Variants in GABRA5 observed in about 807,000 individuals in gnomAD.
GABRA5 encodes gamma-aminobutyric acid receptor subunit alpha-5.
In GABRA5, 18 loss-of-function variants were observed where a neutral mutation model predicts 47.3. The ratio of observed to expected loss-of-function variants is 0.38; its 90% CI spans 0.26 to 0.56. The LOEUF is 0.56. Ranked by LOEUF, GABRA5 falls within the 20% of genes least tolerant of loss-of-function variation. GABRA5 has a pLI of 0.71. For missense variants in GABRA5, 365 were observed against 599.3 expected, an observed-to-expected ratio of 0.61 and a Z score of 4.08; for synonymous variants, 237 against 229.3, an observed-to-expected ratio of 1.03 and a Z score of -0.30.
Position 26,884,004 on chromosome 15 carries a change from C to CA in GABRA5, c.497+456dup, listed in dbSNP as rs1003071310. 4.2e-3 allele frequency among the ~76,000 whole-genome samples: 573 copies of CA among 136,684 alleles called. 6 individuals are homozygous for CA. The highest frequency in any genetic ancestry group is 0.013 in the African/African-American group (513 of 38,246). The allele number at this position is 136,684 out of a possible 152,430, so 89.7% of individuals were successfully genotyped here. On this transcript the variant is annotated intron_variant, in intron 6 of 10. Coordinates refer to ENST00000335625, the MANE Select transcript of GABRA5 (RefSeq NM_000810.4). ...CAACATAGCGAGACCTTGTTTCTAC[C>CA]AAAAAAAAAGAAACAAAAAAAAACA...
intron 7 of GABRA5, among the ~76,000 whole-genome samples, chr15:26,921,356 T>A (rs1296518556): frequency 1.3e-5 from 2 of 152,158 alleles, no homozygotes; most frequent in Non-Finnish European, 2.9e-5. Context: ...ATTGCGCTTT[T>A]TGAGAAATTG....
chr15:26,943,515 C>A, intron 10 of GABRA5, 89 bp downstream of exon 10: 1 of 1,188,834 alleles, frequency 8.4e-7, no homozygotes, highest in Non-Finnish European at 1.2e-6. Context: ...AGGTGCTGCT[C>A]CTTCCTACCC....
At chr15:26,939,013 A>G (rs1025593756) in intron 8 of GABRA5, among the ~76,000 whole-genome samples, 13 of 152,116 alleles carry the variant, frequency 8.5e-5, no homozygotes, top group African/African-American at 2.9e-4. Context: ...GCCTGCGCTG[A>G]TGGAGCCCCC....
intron 7 of GABRA5, among the ~76,000 whole-genome samples, chr15:26,920,303 C>A (rs1458967296): frequency 6.6e-6 from 1 of 151,516 alleles, no homozygotes; most frequent in African/African-American, 2.4e-5. Flanking sequence ...CTTCTTCATT[C>A]TTCTTCTTGC....
In GABRA5 at chr15:26,917,636, G is replaced by A. The variant is rs148323204; in HGVS notation, c.580+2751G>A. 5.6e-3 allele frequency among the ~76,000 whole-genome samples: 858 copies of A among 152,070 alleles called. 5 individuals carry two copies. The highest frequency in any genetic ancestry group is 9.1e-3 in the Non-Finnish European group (617 of 67,938). ...TTTTTGAAGAGTTTGAGAAGGATTG[G>A]CATTAATTCTTCCTTAAATGTTTGG... On this transcript the variant is annotated intron_variant, in intron 7 of 10. Transcript: ENST00000335625.
rs531390781 is a variant in GABRA5, at chr15:26,942,751, A to G, written c.878-464A>G. ...AGGGACAATCAAGACACAGAACATCAGCAATCATCTATCTAAGTGCAGTGA... is the reference window on the plus strand; with the variant it reads ...AGGGACAATCAAGACACAGAACATCGGCAATCATCTATCTAAGTGCAGTGA... On this transcript the variant is annotated intron_variant, in intron 9 of 10. Transcript: ENST00000335625. Among the ~76,000 whole-genome samples, 20 of 152,312 alleles carry G rather than the reference A, an allele frequency of 1.3e-4. No individual in the cohort carries two copies. In the South Asian group the frequency reaches 3.9e-3, roughly 30 times the overall value.
At chr15:26,900,812 A>T (rs1893309538) in intron 6 of GABRA5, among the ~76,000 whole-genome samples, 1 of 152,140 alleles carries the variant, frequency 6.6e-6, no homozygotes, top group Non-Finnish European at 1.5e-5. Flanking sequence ...ACGATATCAC[A>T]GGAGTATTTT....
At chr15:26,940,300 T>C (rs559028221) in intron 9 of GABRA5, among the ~76,000 whole-genome samples, 2 of 152,326 alleles carry the variant, frequency 1.3e-5, no homozygotes, top group South Asian at 4.1e-4. Context: ...TATTTGATAG[T>C]TATTTACTTG....
Position 26,903,066 on chromosome 15 carries a change from G to C in GABRA5, c.498-11737G>C, listed in dbSNP as rs141387692. Among the ~76,000 whole-genome samples the C allele has an allele frequency of 6.4e-4, 97 of 152,098 alleles. No homozygotes were observed. The East Asian group carries it at 0.016, about 25-fold the overall frequency. Reference sequence around the variant, plus strand: ...GATTATTTTGTCACCCTGGTATTAAGCCTAGTAGCCAATAGTTATTTTTCC... The same window carrying C: ...GATTATTTTGTCACCCTGGTATTAACCCTAGTAGCCAATAGTTATTTTTCC... On this transcript the variant is annotated intron_variant, in intron 6 of 10. Coordinates refer to ENST00000335625, the MANE Select transcript of GABRA5 (RefSeq NM_000810.4).
At chr15:26,938,688 C>T (rs909902653) in intron 8 of GABRA5, among the ~76,000 whole-genome samples, 3 of 152,220 alleles carry the variant, frequency 2.0e-5, no homozygotes, top group South Asian at 2.1e-4. Context: ...GCCCATTTCT[C>T]GGCTCTGCTC....
chr15:26,932,764 C>T (rs185791989), intron 7 of GABRA5, among the ~76,000 whole-genome samples: 253 of 152,208 alleles, frequency 1.7e-3, no homozygotes, highest in African/African-American at 5.7e-3. Context: ...ACATATATAC[C>T]GTGGAATACT....
chr15:26,944,959 C>T (rs554929647), intron 10 of GABRA5, among the ~76,000 whole-genome samples: 15 of 152,202 alleles, frequency 9.9e-5, no homozygotes, highest in African/African-American at 3.1e-4. Context: ...TGGGTGTCGC[C>T]GACACTGTCA....
At position 26,869,212 on chromosome 15, in the gene GABRA5, C is replaced by G; in HGVS notation, c.-37C>G. On this transcript the variant is annotated 5_prime_UTR_variant, in exon 3 of 11. Coordinates refer to ENST00000335625, the MANE Select transcript of GABRA5 (RefSeq NM_000810.4). ...GCTGGAGAAGGGAAGAGTTATTCCT[C>G]CATATTCACCTGCTTCAACTACTAT... is the stretch of plus-strand genomic sequence containing the variant. 8.1e-7 allele frequency: 1 copy of G among 1,230,234 alleles called. No homozygotes were observed. The highest frequency in any genetic ancestry group is 1.2e-6 in the Non-Finnish European group (1 of 829,666). The allele number at this position is 1,230,234 out of a possible 1,614,324, so 76.2% of individuals were successfully genotyped here. A position where few individuals can be genotyped will look rare whatever the true frequency, so the allele number is the denominator to read the frequency against.
intron 7 of GABRA5, among the ~76,000 whole-genome samples, chr15:26,920,375 G>C (rs1451700943): frequency 6.6e-6 from 1 of 151,246 alleles, no homozygotes; most frequent in Non-Finnish European, 1.5e-5. Flanking sequence ...CCTTCTACTT[G>C]ATCTAGTCTG....
intron 6 of GABRA5, among the ~76,000 whole-genome samples, chr15:26,887,928 T>A (rs1595400840): frequency 6.6e-6 from 1 of 152,184 alleles, no homozygotes; most frequent in Non-Finnish European, 1.5e-5. Flanking sequence ...CAAAACCCTC[T>A]CTTCTACCTT....
chr15:26,944,458 C>T (rs1894463261), intron 10 of GABRA5, among the ~76,000 whole-genome samples: 1 of 152,200 alleles, frequency 6.6e-6, no homozygotes, highest in Admixed American at 6.5e-5. Flanking sequence ...GGAGGAAGGC[C>T]TGGCAGGACC....
chr15:26,923,822 C>G (rs1351289859), intron 7 of GABRA5, among the ~76,000 whole-genome samples: 1 of 152,116 alleles, frequency 6.6e-6, no homozygotes, highest in Admixed American at 6.5e-5. Context: ...CTTCAATTCA[C>G]TGATTCTTTC....
At chr15:26,930,003 C>CTTTTTTTTTTTTTTTTTTTTT (rs1203493810) in intron 7 of GABRA5, among the ~76,000 whole-genome samples, 1 of 114,960 alleles carries the variant, frequency 8.7e-6, no homozygotes, top group African/African-American at 3.4e-5. Context: ...TCTTCTTCTT[C>CTTTTTTTTTTTTTTTTTTTTT]TTCTTTTTTT....
chr15:26,890,585 C>A (rs1373949485), intron 6 of GABRA5, among the ~76,000 whole-genome samples: 1 of 152,084 alleles, frequency 6.6e-6, no homozygotes, highest in Non-Finnish European at 1.5e-5. Flanking sequence ...CCTGTAGGCA[C>A]GCAGCCACAC....
Sources: allele counts gnomAD v4.1 joint callset (sites outside exome capture counted in the v4.1 genomes callset), GRCh38; gene constraint gnomAD v4.1.1; transcripts MANE v1.5; gene names NCBI Gene and HGNC (gene_info 2026-07-23, HGNC 2026-07-21).